GART: variants seen among roughly 807,000 people sequenced by gnomAD.
GART encodes the protein trifunctional purine biosynthetic protein adenosine-3.
A neutral mutation model predicts 107.2 loss-of-function variants in GART; 43 were observed. The ratio of observed to expected loss-of-function variants is 0.40; its 90% confidence interval spans 0.31 to 0.52. The LOEUF (loss-of-function observed/expected upper bound fraction) is 0.52, where lower values mean the gene tolerates loss of function less well. Among genes scored for constraint, GART ranks in the 20% least tolerant of loss-of-function variants. The pLI, the probability that GART is intolerant of heterozygous loss-of-function variation, is 0.52. For missense variants in GART, 1,107 were observed against 1,206.5 expected, an observed-to-expected ratio of 0.92 and a Z score of 1.22; for synonymous variants, 434 against 427.0, an observed-to-expected ratio of 1.02 and a Z score of -0.20.
At position 33,539,361 on chromosome 21, in the gene GART, A is replaced by G. The variant is rs138293376; in HGVS notation, c.-41-5T>C. 6.3e-7 allele frequency: 1 copy of G among 1,587,234 alleles called. No individual in the cohort carries two copies. The highest frequency in any genetic ancestry group is 1.4e-5 in the African/African-American group (1 of 73,122). Reference sequence around the variant, plus strand: ...AATTCCAAAGGAAAATGAAACCTGCAGAAAGAAAACCACAGTTTATATCTT... The same window carrying G: ...AATTCCAAAGGAAAATGAAACCTGCGGAAAGAAAACCACAGTTTATATCTT... On this transcript the variant is annotated splice_region_variant and splice_polypyrimidine_tract_variant and intron_variant, in intron 1 of 21. Transcript: ENST00000381815.
chr21:33,505,994 T>C lies in GART; in HGVS notation c.2563A>G (p.Arg855Gly). The C allele has an allele frequency of 1.9e-6, 3 of 1,614,194 alleles. No individual in the cohort carries two copies. Among genetic ancestry groups the C allele is most frequent in the South Asian group, 2.2e-5 (2 of 91,084 alleles). ...AAVAGLDKAE[R>G]AGIPTRVINH... ...CTTACTCTAGTGGGAATACCAGCTC[T>C]TTCCGCTTTATCTAACCCAGCTACT... is the stretch of plus-strand genomic sequence containing the variant. The change falls in exon 19 of 22, where the codon AGA becomes GGA. Residue 855 changes from arginine to glycine, a missense_variant. Transcript: ENST00000381815.
intron 6 of GART, 98 bp downstream of exon 6, chr21:33,531,391 G>C (rs1371139412): frequency 1.9e-6 from 2 of 1,033,784 alleles, no homozygotes; most frequent in African/African-American, 1.6e-5. Flanking sequence ...TATGTTTTTA[G>C]ATGAAGCAAC....
chr21:33,506,003 T>C lies in GART; in HGVS notation c.2554A>G (p.Lys852Glu). The stretch of plus-strand genomic sequence containing the variant: ...GTGGGAATACCAGCTCTTTCCGCTT[T>C]ATCTAACCCAGCTACTGCGGCTTTG... Reference protein sequence around the residue: ...SNKAAVAGLDKAERAGIPTRV... With the variant: ...SNKAAVAGLDEAERAGIPTRV... Residue 852 changes from lysine (K) to glutamate (E), a missense_variant, in exon 19 of 22, where the codon AAA becomes GAA. Coordinates refer to ENST00000381815, the MANE Select transcript of GART (RefSeq NM_000819.5). 1.2e-6 allele frequency: 2 copies of C among 1,614,198 alleles called. No individual in the cohort carries two copies. The highest frequency in any genetic ancestry group is 1.7e-6 in the Non-Finnish European group (2 of 1,180,034).
rs200300145 is a variant in GART at position 33,521,034 on chromosome 21, A to C, written c.1394-19T>G. On this transcript the variant is annotated intron_variant, in intron 12 of 21. Coordinates refer to ENST00000381815, the MANE Select transcript of GART (RefSeq NM_000819.5). Reference sequence around the variant, plus strand: ...TTACAGCCTGTTGGAGAGGAAATTAATTACTTGCTACATTTTAATAGATTA... The same window carrying C: ...TTACAGCCTGTTGGAGAGGAAATTACTTACTTGCTACATTTTAATAGATTA... 6.4e-7 allele frequency: 1 copy of C among 1,559,088 alleles called. No homozygotes were observed. The highest frequency in any genetic ancestry group is 2.2e-5 in the East Asian group (1 of 44,640).
chr21:33,517,014 G>T lies in GART; in HGVS notation c.2082C>A (p.Leu694=). 2 of 1,607,328 alleles carry T rather than the reference G, an allele frequency of 1.2e-6. No homozygotes were observed. Among genetic ancestry groups the T allele is most frequent in the Non-Finnish European group, 1.7e-6 (2 of 1,178,330 alleles). The change falls in exon 16 of 22, where the codon CTC becomes CTA. Residue 694 remains leucine (L), a synonymous_variant. Coordinates refer to ENST00000381815, the MANE Select transcript of GART (RefSeq NM_000819.5). ...CTAAATCTACCCCAAGTTTCTCAGG[G>T]AGGACTCTGGGGATGTTCTCTAGTA... ...GGLLENIPRV[L]PEKLGVDLDA...
At chr21:33,511,107 C>A in intron 17 of GART, 145 bp downstream of exon 17, 1 of 778,640 alleles carries the variant, frequency 1.3e-6, no homozygotes, top group Admixed American at 2.0e-5. Context: ...GGGGTGGGTG[C>A]TGTCATGTTA....
chr21:33,504,646 T>C lies in GART; in HGVS notation c.2726-119A>G, dbSNP rs116465246. The C allele has an allele frequency of 2.0e-3, 1,428 of 702,418 alleles. 17 individuals carry two copies. In the African/African-American group the frequency reaches 0.024, roughly 12 times the overall value. 43.5% of individuals were successfully genotyped at this position (702,418 alleles called of 1,614,324 possible). A position where few individuals can be genotyped will look rare whatever the true frequency, so the allele number is the denominator to read the frequency against. ...AGGAGTTGGATTTCTGGGATGGATG[T>C]TTTCTTTGCCAAACACAGAAATGAG... On this transcript the variant is annotated intron_variant, in intron 20 of 21. Coordinates refer to ENST00000381815, the MANE Select transcript of GART (RefSeq NM_000819.5).
intron 2 of GART, among the ~76,000 whole-genome samples, chr21:33,537,358 T>C (rs1019200530): frequency 1.3e-5 from 2 of 152,212 alleles, no homozygotes; most frequent in African/African-American, 4.8e-5. Flanking sequence ...TTGTGGCTTG[T>C]TGGGTCCATG....
intron 6 of GART, chr21:33,531,280 C>A: frequency 1.9e-6 from 1 of 533,634 alleles, no homozygotes; most frequent in Non-Finnish European, 3.3e-6. Context: ...AGTCCAAGTG[C>A]CCCCACTAAC....
intron 16 of GART, among the ~76,000 whole-genome samples, chr21:33,516,248 A>T (rs1489902749): frequency 4.2e-5 from 1 of 23,530 alleles, no homozygotes; most frequent in Admixed American, 5.3e-4. Context: ...ACTCTGTCTA[A>T]AAAAAAAAAA....
chr21:33,522,344 ATT>A, intron 11 of GART, 62 bp from the exon 12 acceptor site: 1 of 1,265,264 alleles, frequency 7.9e-7, no homozygotes, highest in Non-Finnish European at 1.1e-6. Context: ...ATCTTAAAAT[ATT>A]ATTTAAAGCA....
rs200738137 is a variant in GART, at chr21:33,531,265, G to GTGTGA, written c.597+223_597+224insTCACA. 1,358 of 517,022 alleles carry GTGTGA rather than the reference G, an allele frequency of 2.6e-3. 8 individuals carry two copies. Among genetic ancestry groups the GTGTGA allele is most frequent in the African/African-American group, 0.014 (749 of 51,986 alleles). The allele number at this position is 517,022 out of a possible 1,614,324, so 32.0% of individuals were successfully genotyped here. A position where few individuals can be genotyped will look rare whatever the true frequency, so the allele number is the denominator to read the frequency against. ...TGAATTAATCCAGAACCTCAATAGT[G>GTGTGA]TGTAAGTCCAAGTGCCCCCACTAAC... On this transcript the variant is annotated intron_variant, in intron 6 of 21. Coordinates refer to ENST00000381815, the MANE Select transcript of GART (RefSeq NM_000819.5).
At chr21:33,531,189 A>AC (rs1228437499) in intron 6 of GART, 9 of 397,902 alleles carry the variant, frequency 2.3e-5, no homozygotes, top group Non-Finnish European at 3.9e-5. Context: ...GTTTAAGGTG[A>AC]CTTTATTTAT....
In GART at chr21:33,520,378, C is replaced by T. The variant is rs1167748343; in HGVS notation, c.1688G>A (p.Gly563Glu). 3.7e-6 allele frequency: 6 copies of T among 1,613,994 alleles called. No homozygotes were observed. The Admixed American group carries it at 1.0e-4, about 27-fold the overall frequency. Residue 563 changes from glycine to glutamate, a missense_variant, in exon 14 of 22, where the codon GGA becomes GAA. Gly to Glu is a moderately conservative substitution (Grantham distance 98, BLOSUM62 -2). Coordinates refer to ENST00000381815, the MANE Select transcript of GART (RefSeq NM_000819.5). The stretch of plus-strand genomic sequence containing the variant: ...GCTGATCATACCAAGGAGAGCACAT[C>T]CAGCTTTTCCACAAGCTTTAGCAAT... ...AGIAKACGKA[G>E]CALLGGETAE...
Position 33,534,726 on chromosome 21 carries a change from C to T in GART, c.269G>A (p.Gly90Glu), listed in dbSNP as rs1486624777. 1 of 1,600,712 alleles carries T rather than the reference C, an allele frequency of 6.2e-7. No homozygotes were observed. The highest frequency in any genetic ancestry group is 8.5e-7 in the Non-Finnish European group (1 of 1,174,718). Reference sequence around the variant, plus strand: ...TGCTGTTGGGCCAAAGCATTGCACTCCTGCAGACCTCAGGTTCCCAACAAT... The same window carrying T: ...TGCTGTTGGGCCAAAGCATTGCACTTCTGCAGACCTCAGGTTCCCAACAAT... ...AGIVGNLRSA[G>E]VQCFGPTAEA... The change falls in exon 4 of 22, where the codon GGA (glycine) becomes GAA (glutamate). Residue 90 changes from glycine to glutamate, a missense_variant. By Grantham distance (98) the Gly-to-Glu change is moderately conservative (BLOSUM62 -2). Coordinates refer to ENST00000381815, the MANE Select transcript of GART (RefSeq NM_000819.5).
intron 10 of GART, among the ~76,000 whole-genome samples, chr21:33,525,578 G>A (rs1000874286): frequency 6.6e-6 from 1 of 151,904 alleles, no homozygotes; most frequent in Non-Finnish European, 1.5e-5. Context: ...CTACAGGAAT[G>A]TGCCACCACA....
At chr21:33,517,633 G>T (rs767157521) in intron 14 of GART, 25 bp from the exon 15 acceptor site, 1 of 1,612,296 alleles carries the variant, frequency 6.2e-7, no homozygotes, top group Non-Finnish European at 8.5e-7. Context: ...CAAGAACAAA[G>T]AAATCAGAGT....
chr21:33,532,270 A>G, intron 5 of GART, 75 bp downstream of exon 5: 1 of 1,017,154 alleles, frequency 9.8e-7, no homozygotes. Flanking sequence ...TATTGTGAGG[A>G]ACATTTTTTA....
rs115177461 is a variant in GART, at chr21:33,515,947, C to T, written c.2107+1042G>A. Among the ~76,000 whole-genome samples, 510 of 152,016 alleles carry T rather than the reference C, an allele frequency of 3.4e-3. 3 individuals carry two copies. Among genetic ancestry groups the T allele is most frequent in the African/African-American group, 0.012 (489 of 41,476 alleles). ...TACCTGACACTGCGGACCAGTGTCA[C>T]GTTAAAATCCTACCTTGGGGCCGGG... On this transcript the variant is annotated intron_variant, in intron 16 of 21. Transcript: ENST00000381815.
Sources: allele counts gnomAD v4.1 joint callset (sites outside exome capture counted in the v4.1 genomes callset), GRCh38; gene constraint gnomAD v4.1.1; transcripts MANE v1.5; gene names NCBI Gene and HGNC (gene_info 2026-07-23, HGNC 2026-07-21).